OCA2: variants seen among roughly 807,000 people sequenced by gnomAD.
The protein encoded by OCA2 is OCA2 melanosomal transmembrane protein, also known as P protein.
Under a neutral mutation model 100.2 loss-of-function variants are expected in OCA2, and 77 were observed. The observed-to-expected ratio is 0.77, with a 90% CI of 0.64 to 0.93. The LOEUF (loss-of-function observed/expected upper bound fraction) is 0.93. OCA2 is among the 40% of genes least tolerant of loss of function. The pLI, the probability that OCA2 is intolerant of heterozygous loss-of-function variation, is 0.00. For synonymous variants in OCA2, 432 were observed against 439.2 expected, an observed-to-expected ratio of 0.98 and a Z score of 0.21; for missense variants, 1,062 against 1,089.1, an observed-to-expected ratio of 0.98 and a Z score of 0.35.
chr15:28,073,528 T>C (rs895143202), intron 2 of OCA2, among the ~76,000 whole-genome samples: 12 of 152,144 alleles, frequency 7.9e-5, no homozygotes, highest in African/African-American at 2.4e-4. Context: ...TTCTCACTTA[T>C]AAATGGGAGT....
At chr15:27,979,308 A>C (rs1294018386) in intron 14 of OCA2, among the ~76,000 whole-genome samples, 1 of 152,232 alleles carries the variant, frequency 6.6e-6, no homozygotes, top group Non-Finnish European at 1.5e-5. Context: ...ACTTACAGTA[A>C]GTTTATCTGG....
chr15:27,860,431 T>C (rs1323312415), intron 21 of OCA2, among the ~76,000 whole-genome samples: 1 of 152,216 alleles, frequency 6.6e-6, no homozygotes. Flanking sequence ...CTCGGTAGTT[T>C]TTCAACCCTC....
intron 23 of OCA2, among the ~76,000 whole-genome samples, chr15:27,808,767 G>A (rs2033959038): frequency 6.6e-6 from 1 of 152,160 alleles, no homozygotes; most frequent in Non-Finnish European, 1.5e-5. Flanking sequence ...GCTGGAACTG[G>A]GCTGGGTGAG....
At chr15:27,761,773 T>C (rs1486751838) in intron 23 of OCA2, among the ~76,000 whole-genome samples, 1 of 152,176 alleles carries the variant, frequency 6.6e-6, no homozygotes, top group Non-Finnish European at 1.5e-5. Context: ...TATAGACACA[T>C]GGATCAATGG....
At position 27,871,165 on chromosome 15, in the gene OCA2, T is replaced by C. The variant is rs150990900; in HGVS notation, c.2233A>G (p.Thr745Ala). ...CATGTGCAACTCACCATGGTAGCAG[T>C]GAACGGGATGTTGTCAATCAGGGAC... ...ASSLIDNIPF[T>A]ATMIPVLLNL... The change falls in exon 21 of 24, where the codon ACT becomes GCT. Residue 745 changes from threonine to alanine, a missense_variant. Thr to Ala is a moderately conservative substitution (Grantham distance 58). Transcript: ENST00000354638. The C allele has an allele frequency of 6.8e-6, 11 of 1,613,524 alleles. No individual in the cohort carries two copies. In the African/African-American group the frequency reaches 1.5e-4, roughly 22 times the overall value.
At chr15:27,763,476 G>A (rs376852778) in intron 23 of OCA2, among the ~76,000 whole-genome samples, 6 of 152,246 alleles carry the variant, frequency 3.9e-5, no homozygotes, top group South Asian at 2.1e-4. Flanking sequence ...ATTAGAAAAC[G>A]AACAAAAGAC....
rs752419245 is a variant in OCA2 at position 27,871,244 on chromosome 15, C to G, written c.2154G>C (p.Glu718Asp). Residue 718 changes from glutamate (E) to aspartate (D), a missense_variant, in exon 21 of 24, where the codon GAG becomes GAC. Glu to Asp is a conservative substitution (Grantham distance 45). Transcript: ENST00000354638. ...TALLIKMVPE[E>D]QRLIAAIVLV... ...GGACAATGGCGGCTATGAGGCGCTGCTCCTCTGGGACCATCTGGAAGGAGG... is the reference window on the plus strand; with the variant it reads ...GGACAATGGCGGCTATGAGGCGCTGGTCCTCTGGGACCATCTGGAAGGAGG... 3 of 1,613,912 alleles carry G rather than the reference C, an allele frequency of 1.9e-6. No homozygotes were observed. Among genetic ancestry groups the G allele is most frequent in the African/African-American group, 2.7e-5 (2 of 74,932 alleles).
the OCA2 span, among the ~76,000 whole-genome samples, chr15:27,736,513 G>T: frequency 2.4e-4 from 37 of 152,178 alleles, no homozygotes; most frequent in African/African-American, 8.4e-4. Flanking sequence ...GTCTCTTGGG[G>T]CTAGAAAAAT....
chr15:27,955,019 A>G, intron 17 of OCA2, 139 bp downstream of exon 17: 2 of 765,098 alleles, frequency 2.6e-6, no homozygotes, highest in Non-Finnish European at 4.7e-6. Flanking sequence ...ACTCACACAC[A>G]TAAACCTCAA....
chr15:27,986,006 A>G lies in OCA2; in HGVS notation c.1239+581T>C, dbSNP rs151279774. Among the ~76,000 whole-genome samples the G allele has an allele frequency of 3.9e-4, 60 of 152,290 alleles. 1 individual carries two copies. The highest frequency in any genetic ancestry group is 1.3e-3 in the African/African-American group (56 of 41,548). ...GCGCCCAGCCTGTTGAGTAATTTTTAAAAAGACCTTTTCAGTTTCAAAAAT... is the reference window on the plus strand; with the variant it reads ...GCGCCCAGCCTGTTGAGTAATTTTTGAAAAGACCTTTTCAGTTTCAAAAAT... On this transcript the variant is annotated intron_variant, in intron 12 of 23. Transcript: ENST00000354638.
intron 19 of OCA2, among the ~76,000 whole-genome samples, chr15:27,901,255 G>A (rs1431402858): frequency 6.6e-6 from 1 of 152,188 alleles, no homozygotes; most frequent in East Asian, 1.9e-4. Flanking sequence ...GACTGTCTGG[G>A]GCTATCCCTC....
chr15:27,863,583 G>A (rs1169734698), intron 21 of OCA2, among the ~76,000 whole-genome samples: 1 of 152,144 alleles, frequency 6.6e-6, no homozygotes, highest in East Asian at 1.9e-4. Context: ...AGCCCCATCT[G>A]AGGGTAAAGG....
At chr15:27,817,578 A>G (rs1309112101) in intron 23 of OCA2, among the ~76,000 whole-genome samples, 5 of 152,024 alleles carry the variant, frequency 3.3e-5, no homozygotes, top group African/African-American at 1.2e-4. Context: ...GCCCCAACCA[A>G]TCGACCACTC....
rs146358666 is a variant in OCA2 at position 27,787,370 on chromosome 15, T to C, written c.2433-31898A>G. Among the ~76,000 whole-genome samples the C allele has an allele frequency of 5.2e-3, 793 of 152,228 alleles. 7 individuals carry two copies. Among genetic ancestry groups the C allele is most frequent in the African/African-American group, 0.018 (755 of 41,578 alleles). On this transcript the variant is annotated intron_variant, in intron 23 of 23. Transcript: ENST00000354638. ...TTGATAGAATTCAACAGTGCAGTCA[T>C]TTAGGCCTTAGTTTTTCCTTATAAG...
chr15:27,921,232 A>G (rs974954133), intron 19 of OCA2, among the ~76,000 whole-genome samples: 2 of 152,178 alleles, frequency 1.3e-5, no homozygotes, highest in Non-Finnish European at 1.5e-5. Flanking sequence ...CAATGCGCAT[A>G]TAGGGGAAAC....
chr15:27,742,523 T>C, the OCA2 span, among the ~76,000 whole-genome samples: 6 of 152,128 alleles, frequency 3.9e-5, no homozygotes, highest in Non-Finnish European at 8.8e-5. Flanking sequence ...AGAAGCACGA[T>C]GGCAGAGCTG....
At chr15:28,022,392 A>T (rs1191462121) in intron 6 of OCA2, 109 bp downstream of exon 6, 2 of 650,780 alleles carry the variant, frequency 3.1e-6, no homozygotes, top group East Asian at 9.9e-5. Flanking sequence ...TTCGAGTGGT[A>T]ATGGCCTGTG....
chr15:27,932,246 C>G (rs1273079882), intron 18 of OCA2, among the ~76,000 whole-genome samples: 1 of 152,146 alleles, frequency 6.6e-6, no homozygotes, highest in Non-Finnish European at 1.5e-5. Flanking sequence ...TCTGTTCTAA[C>G]CTGGCTGGAG....
At chr15:27,951,182 A>G (rs1021989300) in intron 18 of OCA2, among the ~76,000 whole-genome samples, 2 of 152,200 alleles carry the variant, frequency 1.3e-5, no homozygotes, top group Non-Finnish European at 2.9e-5. Flanking sequence ...GCCACATCTC[A>G]GGTGGGGATA....
Sources: allele counts gnomAD v4.1 joint callset (sites outside exome capture counted in the v4.1 genomes callset), GRCh38; gene constraint gnomAD v4.1.1; transcripts MANE v1.5; gene names NCBI Gene and HGNC (gene_info 2026-07-23, HGNC 2026-07-21).